ADAMTS7: variants seen among roughly 807,000 people sequenced by gnomAD.
ADAMTS7 encodes the protein ADAM metallopeptidase with thrombospondin type 1 motif 7.
In ADAMTS7, 89 loss-of-function variants were observed where a neutral mutation model predicts 172.6. The observed-to-expected ratio is 0.52, with a 90% confidence interval of 0.43 to 0.61. ADAMTS7 has a LOEUF of 0.61. Among genes scored for constraint, ADAMTS7 ranks in the 20% least tolerant of loss-of-function variants. The pLI is 0.00. For missense variants in ADAMTS7, 1,973 were observed against 2,355.6 expected, an observed-to-expected ratio of 0.84 and a Z score of 3.36; for synonymous variants, 885 against 978.4, an observed-to-expected ratio of 0.90 and a Z score of 1.78.
At position 78,780,951 on chromosome 15, in the gene ADAMTS7, G is replaced by A. The variant is rs539102075; in HGVS notation, c.1323-3363C>T. On this transcript the variant is annotated intron_variant, in intron 8 of 23. Transcript: ENST00000388820. Reference sequence around the variant, plus strand: ...CCATCTCCCCATGGTGTGAGGGCCTGGAGGACAGGCACCTGGAGGTCTGTC... The same window carrying A: ...CCATCTCCCCATGGTGTGAGGGCCTAGAGGACAGGCACCTGGAGGTCTGTC... Among the ~76,000 whole-genome samples, 388 of 152,236 alleles carry A rather than the reference G, an allele frequency of 2.5e-3. 1 individual carries two copies. The highest frequency in any genetic ancestry group is 9.1e-3 in the African/African-American group (378 of 41,542).
Position 78,775,802 on chromosome 15 carries a change from T to C in ADAMTS7, c.1706+386A>G, listed in dbSNP as rs185239605. Among the ~76,000 whole-genome samples, 7 of 152,282 alleles carry C rather than the reference T, an allele frequency of 4.6e-5. No homozygotes were observed. In the East Asian group the frequency reaches 1.2e-3, roughly 25 times the overall value. ...CTTTACTGGATGGGCACTGCTATTA[T>C]ACAGATGGGGAAATGGAGGCCCAGA... On this transcript the variant is annotated intron_variant, in intron 11 of 23. Transcript: ENST00000388820.
At chr15:78,806,974 C>T (rs1298643355) in intron 1 of ADAMTS7, among the ~76,000 whole-genome samples, 2 of 152,172 alleles carry the variant, frequency 1.3e-5, no homozygotes. Context: ...GCCATGTTGG[C>T]CAGGCTGGTC....
rs1167497963 is a variant in ADAMTS7, at chr15:78,767,055, C to T, written c.2860-4G>A. 4.6e-6 allele frequency: 7 copies of T among 1,530,152 alleles called. No individual in the cohort carries two copies. Among genetic ancestry groups the T allele is most frequent in the Non-Finnish European group, 6.1e-6 (7 of 1,140,366 alleles). 94.8% of individuals were successfully genotyped at this position (1,530,152 alleles called of 1,614,324 possible). On this transcript the variant is annotated splice_polypyrimidine_tract_variant and splice_region_variant and intron_variant, in intron 18 of 23. Coordinates refer to ENST00000388820, the MANE Select transcript of ADAMTS7 (RefSeq NM_014272.5). ...CCTCCCCACATGTCACTGAGCACTG[C>T]AGGGGAAGCCAGGGTGAGGGGCTTA...
intron 14 of ADAMTS7, among the ~76,000 whole-genome samples, chr15:78,772,064 C>T (rs562905055): frequency 1.3e-5 from 2 of 152,322 alleles, no homozygotes; most frequent in East Asian, 3.9e-4. Context: ...CTACACTGGT[C>T]TCATCATAAG....
chr15:78,801,097 A>G (rs1018260760), intron 1 of ADAMTS7, among the ~76,000 whole-genome samples: 3 of 152,276 alleles, frequency 2.0e-5, no homozygotes, highest in South Asian at 4.2e-4. Context: ...TGCCTACCCC[A>G]GGTGCCCCTC....
chr15:78,779,432 C>T (rs188570668), intron 8 of ADAMTS7, among the ~76,000 whole-genome samples: 2 of 152,172 alleles, frequency 1.3e-5, no homozygotes, highest in East Asian at 1.9e-4. Flanking sequence ...GCTGCCTGCA[C>T]CAGGCTGTGT....
chr15:78,806,043 G>C (rs1169206516), intron 1 of ADAMTS7, among the ~76,000 whole-genome samples: 2 of 127,392 alleles, frequency 1.6e-5, no homozygotes, highest in African/African-American at 5.9e-5. Context: ...TTGTACCACT[G>C]TACTCCAGCC....
rs754021365 is a variant in ADAMTS7, at chr15:78,777,424, C to A, written c.1467+20G>T. 8 of 1,608,738 alleles carry A rather than the reference C, an allele frequency of 5.0e-6. No individual in the cohort carries two copies. Reference sequence around the variant, plus strand: ...CCTGCCGGGTCCCCACACCCCCACACCCACACCGGCCCCACTCACATCCAT... The same window carrying A: ...CCTGCCGGGTCCCCACACCCCCACAACCACACCGGCCCCACTCACATCCAT... On this transcript the variant is annotated intron_variant, in intron 9 of 23. Coordinates refer to ENST00000388820, the MANE Select transcript of ADAMTS7 (RefSeq NM_014272.5).
rs192424653 is a variant in ADAMTS7 at position 78,766,860 on chromosome 15, G to T, written c.3051C>A (p.Asn1017Lys). 3.1e-6 allele frequency: 5 copies of T among 1,609,812 alleles called. No individual in the cohort carries two copies. Among genetic ancestry groups the T allele is most frequent in the Non-Finnish European group, 4.2e-6 (5 of 1,179,184 alleles). ...GSGSSSHELF[N>K]EADFIPHHLA... ...GGTGGTGCGGGATGAAGTCAGCCTC[G>T]TTGAAGAGCTCGTGGCTGGAGGAGC... Residue 1017 changes from asparagine to lysine, a missense_variant, in exon 19 of 24, where the codon AAC becomes AAA. Physicochemically the swap from Asn to Lys is moderately conservative, Grantham distance 94 (BLOSUM62 0). Transcript: ENST00000388820.
Position 78,773,897 on chromosome 15 carries a change from G to A in ADAMTS7, c.2010+270C>T, listed in dbSNP as rs183591155. On this transcript the variant is annotated intron_variant, in intron 13 of 23. Transcript: ENST00000388820. ...TGCTGGTGCAGGCATCCAGGGAGAC[G>A]CAGGGGGGCGAGGCCTGACTGGAAG... Among the ~76,000 whole-genome samples, 315 of 152,322 alleles carry A rather than the reference G, an allele frequency of 2.1e-3. 1 individual carries two copies. The highest frequency in any genetic ancestry group is 3.7e-3 in the Non-Finnish European group (250 of 68,024).
rs764931584 is a variant in ADAMTS7 at position 78,766,015 on chromosome 15, G to A, written c.3896C>T (p.Pro1299Leu). The A allele has an allele frequency of 2.2e-5, 36 of 1,600,478 alleles. No individual in the cohort carries two copies. The highest frequency in any genetic ancestry group is 3.1e-5 in the Non-Finnish European group (36 of 1,179,402). ...VASLLPPPIA[P>L]LPEMKVRDSS... is the part of the protein sequence containing the mutation. ...GTCCCTGACCTTCATCTCTGGCAGA[G>A]GGGCTATGGGAGGAGGAAGGAGAGA... Residue 1299 changes from proline to leucine, a missense_variant, in exon 19 of 24, where the codon CCT becomes CTT. By Grantham distance (98) the Pro-to-Leu change is moderately conservative. Around this residue, in one of 8 missense-constraint regions of ADAMTS7, gnomAD observed 771 missense variants for 952.6 expected, o/e 0.81. Transcript: ENST00000388820.
In ADAMTS7 at chr15:78,788,284, G is replaced by A. The variant is rs3743060; in HGVS notation, c.1269C>T (p.Ala423=). 1.4e-3 allele frequency: 2,186 copies of A among 1,613,810 alleles called. 12 individuals are homozygous for A. Among genetic ancestry groups the A allele is most frequent in the East Asian group, 9.4e-3 (420 of 44,878 alleles). The change falls in exon 8 of 24, where the codon GCC becomes GCT. Residue 423 remains alanine, a synonymous_variant. Transcript: ENST00000388820. ...TGCAGCGGGACCAGGTGAGGGGAGC[G>A]GCGTCGTACAGGAGCTGTGGAGACA... ...FIMSPQLLYD[A]APLTWSRCSR... is the part of the protein sequence containing the mutation.
rs141979989 is a variant in ADAMTS7 at position 78,776,869 on chromosome 15, C to T, written c.1468-28G>A. On this transcript the variant is annotated intron_variant, in intron 9 of 23. Transcript: ENST00000388820. ...GCGAGGAGGAGGGCATGGGCCATAC[C>T]CTCACACCCTCCCCAGTGCCGCCAC... The T allele has an allele frequency of 1.1e-3, 1,618 of 1,513,148 alleles. 22 individuals carry two copies. The African/African-American group carries it at 0.02, about 19-fold the overall frequency. 93.7% of individuals were successfully genotyped at this position (1,513,148 alleles called of 1,614,324 possible).
chr15:78,795,816 AG>A (rs1459282707), intron 4 of ADAMTS7, among the ~76,000 whole-genome samples: 1 of 152,216 alleles, frequency 6.6e-6, no homozygotes, highest in Non-Finnish European at 1.5e-5. Flanking sequence ...GGGCACCCAC[AG>A]GGCAGGAGCA....
intron 17 of ADAMTS7, among the ~76,000 whole-genome samples, 182 bp downstream of exon 17, chr15:78,767,951 C>G (rs929122169): frequency 6.7e-6 from 1 of 148,278 alleles, no homozygotes; most frequent in African/African-American, 2.5e-5. Context: ...AGAATAAAAG[C>G]CCGGCTCCCT....
intron 1 of ADAMTS7, among the ~76,000 whole-genome samples, chr15:78,804,257 G>A (rs8042170): frequency 0.71 from 107,466 of 152,120 alleles, 38,248 homozygotes; most frequent in Middle Eastern, 0.87. Flanking sequence ...ATTAGATCAC[G>A]TTTCTCAAAT....
intron 1 of ADAMTS7, chr15:78,810,909 G>A (rs2055857847): frequency 2.3e-6 from 1 of 431,100 alleles, no homozygotes. Context: ...TGAATCAGGG[G>A]CCGAGGAAGT....
chr15:78,762,003 A>G (rs1365403233), intron 23 of ADAMTS7: 1 of 985,328 alleles, frequency 1.0e-6, no homozygotes, highest in African/African-American at 1.7e-5. Flanking sequence ...TGGACAGGCC[A>G]GGGCTGGGGA....
At position 78,788,221 on chromosome 15, in the gene ADAMTS7, G is replaced by A. The variant is rs1183267204; in HGVS notation, c.1322+10C>T. The A allele has an allele frequency of 6.2e-7, 1 of 1,613,318 alleles. No homozygotes were observed. Among genetic ancestry groups the A allele is most frequent in the South Asian group, 1.1e-5 (1 of 91,018 alleles). Reference sequence around the variant, plus strand: ...ATCAAGGTATAGGGGCCCAGGGCTGGGGGACTTACTCAAGGAACCTGGTGA... The same window carrying A: ...ATCAAGGTATAGGGGCCCAGGGCTGAGGGACTTACTCAAGGAACCTGGTGA... On this transcript the variant is annotated intron_variant, in intron 8 of 23. Transcript: ENST00000388820.
Sources: allele counts gnomAD v4.1 joint callset (sites outside exome capture counted in the v4.1 genomes callset), GRCh38; gene constraint gnomAD v4.1.1; regional missense constraint gnomAD v4.1.1; transcripts MANE v1.5; gene names NCBI Gene and HGNC (gene_info 2026-07-23, HGNC 2026-07-21).